FOXP2: variants seen among roughly 807,000 people sequenced by gnomAD.
The protein encoded by FOXP2 is forkhead box protein P2.
A neutral mutation model predicts 115.8 loss-of-function variants in FOXP2; 12 were observed. The observed-to-expected ratio is 0.10, with a 90% CI of 0.07 to 0.17. The LOEUF (loss-of-function observed/expected upper bound fraction) is 0.17. Ranked by LOEUF, FOXP2 falls within the 10% of genes least tolerant of loss-of-function variation. The pLI is 1.00. For missense variants in FOXP2, 629 were observed against 843.5 expected (o/e 0.75, Z 3.15); for synonymous variants, 328 against 297.7 (o/e 1.10, Z -1.05).
chr7:114,438,097 A>G (rs998644118), intron 2 of FOXP2, among the ~76,000 whole-genome samples: 2 of 152,140 alleles, frequency 1.3e-5, no homozygotes, highest in African/African-American at 4.8e-5. Flanking sequence ...TAATTTGTCT[A>G]TTACAACATT....
In FOXP2 at chr7:114,631,461, C is replaced by T. The variant is rs994289868; in HGVS notation, c.598-67C>T. 95 of 1,548,634 alleles carry T rather than the reference C, an allele frequency of 6.1e-5. No homozygotes were observed. The African/African-American group carries it at 1.2e-3, about 20-fold the overall frequency. ...GGCAATGAAAGGAGTGTGCATTTCC[C>T]TGTAAGAGAGCTGTTTGTACAGACC... is the stretch of plus-strand genomic sequence containing the variant. On this transcript the variant is annotated intron_variant, in intron 5 of 16. Coordinates refer to ENST00000350908, the MANE Select transcript of FOXP2 (RefSeq NM_014491.4).
chr7:114,124,276 C>A lies in FOXP2; in HGVS notation c.-247+36438C>A, dbSNP rs972453412. 3.6e-4 allele frequency among the ~76,000 whole-genome samples: 54 copies of A among 152,092 alleles called. 2 individuals carry two copies. Among genetic ancestry groups the A allele is most frequent in the African/African-American group, 1.3e-3 (54 of 41,516 alleles). ...CTAGGATGTTCAATAAATTTAGGGG[C>A]ATTTTCATATTAAATGCTATTCATA... On this transcript the variant is annotated intron_variant, in intron 1 of 19. Transcript: ENST00000635638.
At chr7:114,261,930 C>T (rs1795763250) in intron 1 of FOXP2, among the ~76,000 whole-genome samples, 1 of 151,910 alleles carries the variant, frequency 6.6e-6, no homozygotes, top group South Asian at 2.1e-4. Context: ...TGGTGGCGGC[C>T]ACCTGTAATC....
At chr7:114,537,052 A>C (rs1799428907) in intron 3 of FOXP2, among the ~76,000 whole-genome samples, 1 of 151,568 alleles carries the variant, frequency 6.6e-6, no homozygotes, top group African/African-American at 2.4e-5. Flanking sequence ...TTGTATCTTC[A>C]AATATTATTT....
intron 1 of FOXP2, among the ~76,000 whole-genome samples, chr7:114,221,504 C>T (rs994116214): frequency 1.1e-4 from 17 of 152,100 alleles, no homozygotes; most frequent in Non-Finnish European, 1.0e-4. Flanking sequence ...GTTCTAGGCA[C>T]AACTGGTAAG....
intron 4 of FOXP2, among the ~76,000 whole-genome samples, chr7:114,629,205 T>G (rs1804757015): frequency 6.6e-6 from 1 of 152,180 alleles, no homozygotes. Flanking sequence ...GAAATTTATC[T>G]TTTTAAAATA....
At chr7:114,381,963 C>A (rs1438710534) in intron 2 of FOXP2, among the ~76,000 whole-genome samples, 3 of 152,088 alleles carry the variant, frequency 2.0e-5, no homozygotes, top group African/African-American at 7.2e-5. Flanking sequence ...GGATTAATTC[C>A]TTCCTCAAGC....
chr7:114,387,089 A>G (rs1215151590), intron 2 of FOXP2, among the ~76,000 whole-genome samples: 1 of 152,200 alleles, frequency 6.6e-6, no homozygotes, highest in African/African-American at 2.4e-5. Context: ...ATATAAACAT[A>G]GATAAGAAAA....
chr7:114,371,836 C>T (rs1271904839), intron 2 of FOXP2, among the ~76,000 whole-genome samples: 1 of 151,740 alleles, frequency 6.6e-6, no homozygotes, highest in Non-Finnish European at 1.5e-5. Flanking sequence ...ATACAGTTAC[C>T]AAAGTGAGAA....
intron 1 of FOXP2, among the ~76,000 whole-genome samples, chr7:114,418,034 G>T (rs1304199697): frequency 6.6e-6 from 1 of 151,906 alleles, no homozygotes; most frequent in Non-Finnish European, 1.5e-5. Flanking sequence ...TCAGATTTTT[G>T]TGAGGGTATA....
intron 2 of FOXP2, among the ~76,000 whole-genome samples, chr7:114,373,402 G>T (rs1792063398): frequency 6.6e-6 from 1 of 150,910 alleles, no homozygotes; most frequent in Non-Finnish European, 1.5e-5. Flanking sequence ...TTACCAGTAC[G>T]TAATCCAACA....
chr7:114,400,045 CG>C (rs919159469), intron 2 of FOXP2, among the ~76,000 whole-genome samples: 9 of 151,360 alleles, frequency 5.9e-5, no homozygotes, highest in Non-Finnish European at 1.3e-4. Context: ...TTAGTAGAGA[CG>C]GGGGGGTTTC....
At chr7:114,574,281 G>A (rs1801466403) in intron 3 of FOXP2, among the ~76,000 whole-genome samples, 1 of 151,492 alleles carries the variant, frequency 6.6e-6, no homozygotes, top group Non-Finnish European at 1.5e-5. Flanking sequence ...TTATAACTTT[G>A]AATTTAATAG....
Position 114,415,066 on chromosome 7 carries a change from TACGATTGTCCACGG to T in FOXP2, c.-301_-288del, listed in dbSNP as rs896788920. On this transcript the variant is annotated 5_prime_UTR_variant, in exon 1 of 17. An upstream open reading frame in the 5' UTR loses its in-frame stop. Coordinates refer to ENST00000350908, the MANE Select transcript of FOXP2 (RefSeq NM_014491.4). ...CTAGTGATTAAATGCTGATTTTGTG[TACGATTGTCCACGG>T]ACGCCAAAACAATCACAGAGCTGCT... is the stretch of plus-strand genomic sequence containing the variant. The T allele has an allele frequency of 2.2e-6, 1 of 454,108 alleles. No homozygotes were observed. The highest frequency in any genetic ancestry group is 2.0e-5 in the African/African-American group (1 of 49,956). 28.1% of individuals were successfully genotyped at this position (454,108 alleles called of 1,614,324 possible). A position where few individuals can be genotyped will look rare whatever the true frequency, so the allele number is the denominator to read the frequency against.
intron 9 of FOXP2, 124 bp from the exon 10 acceptor site, chr7:114,653,802 A>T: frequency 9.3e-7 from 1 of 1,074,796 alleles, no homozygotes; most frequent in Non-Finnish European, 1.4e-6. Flanking sequence ...GTTCCTCCTG[A>T]CGCAGACTTT....
At chr7:114,542,435 A>G (rs1369009925) in intron 3 of FOXP2, among the ~76,000 whole-genome samples, 2 of 152,190 alleles carry the variant, frequency 1.3e-5, no homozygotes, top group Non-Finnish European at 2.9e-5. Flanking sequence ...ATAGGAAAGC[A>G]CTTCTCCACT....
At chr7:114,135,681 T>G in intron 1 of FOXP2, among the ~76,000 whole-genome samples, 1 of 152,142 alleles carries the variant, frequency 6.6e-6, no homozygotes, top group East Asian at 1.9e-4. Flanking sequence ...GTGACCCAAG[T>G]AGTGTTATGC....
intron 2 of FOXP2, among the ~76,000 whole-genome samples, chr7:114,435,317 G>A (rs762616940): frequency 6.6e-6 from 1 of 152,108 alleles, no homozygotes; most frequent in Non-Finnish European, 1.5e-5. Flanking sequence ...CATGAAGAGA[G>A]AGGATCAATC....
At chr7:114,504,876 A>G (rs187641186) in intron 2 of FOXP2, among the ~76,000 whole-genome samples, 1 of 151,762 alleles carries the variant, frequency 6.6e-6, no homozygotes, top group Non-Finnish European at 1.5e-5. Flanking sequence ...ATTAGATTTT[A>G]AAAATGCTCA....
Sources: gnomAD v4.1 joint callset for allele counts (sites outside exome capture counted in the v4.1 genomes callset) on GRCh38, gnomAD v4.1.1 for gene constraint, MANE v1.5 for transcripts, NCBI Gene and HGNC (gene_info 2026-07-23, HGNC 2026-07-21) for gene names.